Variants in GLYATL1B observed in about 807,000 individuals in gnomAD.
GLYATL1B encodes glycine-N-acyltransferase like 1B.
Under a neutral mutation model 5.5 loss-of-function variants are expected in GLYATL1B, and 6 were observed. That is an observed-to-expected ratio of 1.09 (90% CI 0.60 to 2.15). The LOEUF (loss-of-function observed/expected upper bound fraction) is 2.15, where lower values mean the gene tolerates loss of function less well. Ranked by LOEUF, GLYATL1B falls within the 30% of genes most tolerant of loss-of-function variation. The pLI is 0.00. For missense variants in GLYATL1B, 135 were observed against 94.1 expected (o/e 1.43, Z -1.80); for synonymous variants, 67 against 34.9 (o/e 1.92, Z -3.24).
Position 59,094,470 on chromosome 11 carries a change from T to C in GLYATL1B, c.593T>C (p.Ile198Thr). Residue 198 changes from isoleucine to threonine, a missense_variant, in exon 5 of 5, where the codon ATC (isoleucine) becomes ACC (threonine). Transcript: ENST00000527482. ...ATGAATAAGAGGAGCCTGCGTTACA[T>C]CAAGCGCTGCCTAGGAGCCCTGCCA... ...LGMNKRSLRY[I>T]KRCLGALPAA... 2.7e-6 allele frequency: 2 copies of C among 740,076 alleles called. No homozygotes were observed. The highest frequency in any genetic ancestry group is 4.8e-6 in the Non-Finnish European group (2 of 412,430). 45.8% of individuals were successfully genotyped at this position (740,076 alleles called of 1,614,324 possible). A position where few individuals can be genotyped will look rare whatever the true frequency, so the allele number is the denominator to read the frequency against.
intron 2 of GLYATL1B, among the ~76,000 whole-genome samples, chr11:59,087,552 T>C (rs559735184): frequency 2.0e-5 from 3 of 151,966 alleles, no homozygotes; most frequent in African/African-American, 7.3e-5. Flanking sequence ...ACCAGTAAAA[T>C]TACATCTCAT....
chr11:59,090,949 C>T (rs1417231575), intron 2 of GLYATL1B, among the ~76,000 whole-genome samples: 1 of 151,994 alleles, frequency 6.6e-6, no homozygotes, highest in Non-Finnish European at 1.5e-5. Context: ...TCCTGTTTTC[C>T]CATTTTCATA....
In GLYATL1B at chr11:59,094,258, A is replaced by C. The variant is rs547719569; in HGVS notation, c.492-111A>C. The C allele has an allele frequency of 1.7e-3, 832 of 489,322 alleles. 2 individuals are homozygous for C. Among genetic ancestry groups the C allele is most frequent in the Non-Finnish European group, 2.3e-3 (629 of 271,230 alleles). The allele number at this position is 489,322 out of a possible 1,614,324, so 30.3% of individuals were successfully genotyped here. On this transcript the variant is annotated intron_variant, in intron 4 of 4. Coordinates refer to ENST00000527482, the MANE Select transcript of GLYATL1B (RefSeq NM_001355566.1). ...CAGTGGTCAAAATACGCCACTTTGC[A>C]ATGGTGGGTCTTTTAACAAGAAGAG... is the stretch of plus-strand genomic sequence containing the variant.
At chr11:59,090,562 T>A (rs1449203508) in intron 2 of GLYATL1B, among the ~76,000 whole-genome samples, 1 of 151,926 alleles carries the variant, frequency 6.6e-6, no homozygotes, top group African/African-American at 2.4e-5. Context: ...TTATTTTTCC[T>A]TTTCTATTTC....
intron 2 of GLYATL1B, among the ~76,000 whole-genome samples, chr11:59,089,662 T>C (rs1859267255): frequency 1.3e-5 from 2 of 152,158 alleles, no homozygotes; most frequent in Admixed American, 6.6e-5. Context: ...TTATATTGTT[T>C]GACCATTTTT....
chr11:59,087,869 T>G (rs751998413), intron 2 of GLYATL1B, among the ~76,000 whole-genome samples: 31 of 152,230 alleles, frequency 2.0e-4, no homozygotes, highest in Middle Eastern at 3.4e-3. Flanking sequence ...AAGTTGCTTC[T>G]CAGGAACCAG....
rs751189609 is a variant in GLYATL1B, at chr11:59,094,629, G to A, written c.752G>A (p.Cys251Tyr). 30 of 437,016 alleles carry A rather than the reference G, an allele frequency of 6.9e-5. No individual in the cohort carries two copies. The highest frequency in any genetic ancestry group is 5.1e-4 in the African/African-American group (25 of 49,342). 27.1% of individuals were successfully genotyped at this position (437,016 alleles called of 1,614,324 possible). A position where few individuals can be genotyped will look rare whatever the true frequency, so the allele number is the denominator to read the frequency against. Residue 251 changes from cysteine to tyrosine, a missense_variant, in exon 5 of 5, where the codon TGC (cysteine) becomes TAC (tyrosine). Coordinates refer to ENST00000527482, the MANE Select transcript of GLYATL1B (RefSeq NM_001355566.1). ...AATGGGACACGGCTGATCATGCGAT[G>A]CATGAAGTATCTGTGTCAGAAGAAT... ...RGNGTRLIMR[C>Y]MKYLCQKNIP...
intron 2 of GLYATL1B, among the ~76,000 whole-genome samples, chr11:59,089,800 A>G (rs1193325963): frequency 6.6e-6 from 1 of 152,168 alleles, no homozygotes; most frequent in East Asian, 1.9e-4. Flanking sequence ...AGATTTTCAC[A>G]TGAAGCAATT....
At chr11:59,092,686 G>A (rs200289649) in intron 2 of GLYATL1B, among the ~76,000 whole-genome samples, 3 of 152,168 alleles carry the variant, frequency 2.0e-5, no homozygotes, top group Non-Finnish European at 2.9e-5. Flanking sequence ...TTTGTGGCTT[G>A]TGAGAATGAG....
chr11:59,089,634 G>A (rs551525712), intron 2 of GLYATL1B, among the ~76,000 whole-genome samples: 390 of 151,958 alleles, frequency 2.6e-3, no homozygotes, highest in African/African-American at 8.9e-3. Flanking sequence ...AGTCATTTTG[G>A]GTTTACTTCT....
At position 59,094,645 on chromosome 11, in the gene GLYATL1B, T is replaced by C; in HGVS notation, c.768T>C (p.Cys256=). The C allele has an allele frequency of 2.3e-6, 1 of 431,732 alleles. No individual in the cohort carries two copies. The highest frequency in any genetic ancestry group is 2.0e-5 in the African/African-American group (1 of 49,450). 26.7% of individuals were successfully genotyped at this position (431,732 alleles called of 1,614,324 possible). ...RLIMRCMKYL[C]QKNIPFYGSV... is the part of the protein sequence containing the mutation. ...TCATGCGATGCATGAAGTATCTGTG[T>C]CAGAAGAATATTCCATTTTACGGCT... Residue 256 remains cysteine (C), a synonymous_variant, in exon 5 of 5, where the codon TGT becomes TGC. Transcript: ENST00000527482.
At position 59,093,526 on chromosome 11, in the gene GLYATL1B, C is replaced by G. The variant is rs1859364828; in HGVS notation, c.187-3C>G. 1.0e-5 allele frequency: 5 copies of G among 478,126 alleles called. No homozygotes were observed. 29.6% of individuals were successfully genotyped at this position (478,126 alleles called of 1,614,324 possible). ...TGATCTGACCTTTCACCATCCTACACAGGAGATGACTGATGACATGGATTC... is the reference window on the plus strand; with the variant it reads ...TGATCTGACCTTTCACCATCCTACAGAGGAGATGACTGATGACATGGATTC... On this transcript the variant is annotated splice_polypyrimidine_tract_variant and splice_region_variant and intron_variant, in intron 2 of 4. Transcript: ENST00000527482.
At chr11:59,086,784 A>G (rs1447866717) in intron 1 of GLYATL1B, among the ~76,000 whole-genome samples, 4 of 152,218 alleles carry the variant, frequency 2.6e-5, no homozygotes, top group African/African-American at 9.6e-5. Context: ...TGTTGTGGAC[A>G]CTGAATGAAT....
At chr11:59,092,982 T>C (rs1344819181) in intron 2 of GLYATL1B, among the ~76,000 whole-genome samples, 3 of 152,232 alleles carry the variant, frequency 2.0e-5, no homozygotes, top group African/African-American at 7.2e-5. Flanking sequence ...AGAGAAATCA[T>C]GGTTAAATTC....
At position 59,093,959 on chromosome 11, in the gene GLYATL1B, G is replaced by A. The variant is rs1456457046; in HGVS notation, c.339G>A (p.Gly113=). ...GTTTTCAAGAAAGTTTAGGTGAGGG[G>A]ATAAGAGCAGCTGCATTTTCAAATT... is the stretch of plus-strand genomic sequence containing the variant. ...IQGFQESLGE[G]IRAAAFSNSV... The change falls in exon 4 of 5, where the codon GGG becomes GGA. Residue 113 remains glycine, a synonymous_variant. Transcript: ENST00000527482. The A allele has an allele frequency of 1.4e-6, 1 of 698,622 alleles. No individual in the cohort carries two copies. Among genetic ancestry groups the A allele is most frequent in the Non-Finnish European group, 2.6e-6 (1 of 384,628 alleles). The allele number at this position is 698,622 out of a possible 1,614,324, so 43.3% of individuals were successfully genotyped here.
At chr11:59,090,023 CT>C (rs947288837) in intron 2 of GLYATL1B, among the ~76,000 whole-genome samples, 1 of 151,900 alleles carries the variant, frequency 6.6e-6, no homozygotes, top group Non-Finnish European at 1.5e-5. Flanking sequence ...AATTAACATT[CT>C]TTTATATTTA....
chr11:59,088,993 T>C (rs1859250692), intron 2 of GLYATL1B, among the ~76,000 whole-genome samples: 2 of 152,136 alleles, frequency 1.3e-5, no homozygotes, highest in Non-Finnish European at 2.9e-5. Flanking sequence ...AGTGGAAAAA[T>C]TCAACATGAT....
intron 2 of GLYATL1B, among the ~76,000 whole-genome samples, chr11:59,091,340 T>A (rs1307318351): frequency 6.6e-6 from 1 of 152,206 alleles, no homozygotes; most frequent in African/African-American, 2.4e-5. Context: ...ACTTTTTAGT[T>A]TGTAATTTCA....
chr11:59,088,156 A>T (rs1255050935), intron 2 of GLYATL1B, among the ~76,000 whole-genome samples: 14 of 152,218 alleles, frequency 9.2e-5, no homozygotes, highest in Non-Finnish European at 1.5e-4. Context: ...TGGGAAAAAT[A>T]GGAGGACATT....
Sources: gnomAD v4.1 joint callset for allele counts (sites outside exome capture counted in the v4.1 genomes callset) on GRCh38, gnomAD v4.1.1 for gene constraint, MANE v1.5 for transcripts, NCBI Gene and HGNC (gene_info 2026-07-23, HGNC 2026-07-21) for gene names.